The following DLG2 variants were observed in gnomAD, a reference collection of about 807,000 sequenced individuals.
DLG2 encodes discs large MAGUK scaffold protein 2.
A neutral mutation model predicts 132.5 loss-of-function variants in DLG2; 45 were observed. The ratio of observed to expected loss-of-function variants is 0.34; its 90% confidence interval spans 0.27 to 0.44. The LOEUF (loss-of-function observed/expected upper bound fraction) is 0.44. Ranked by LOEUF, DLG2 falls within the 20% of genes least tolerant of loss-of-function variation. The probability of loss-of-function intolerance (pLI) is 1.00; values close to 1 mark genes in which losing one functional copy is unlikely to be tolerated. For missense variants in DLG2, 1,045 were observed against 1,196.9 expected, an observed-to-expected ratio of 0.87 and a Z score of 1.87; for synonymous variants, 424 against 419.6, an observed-to-expected ratio of 1.01 and a Z score of -0.13.
intron 7 of DLG2, among the ~76,000 whole-genome samples, chr11:84,498,442 CCCA>C (rs1420690757): frequency 1.3e-5 from 2 of 152,054 alleles, no homozygotes; most frequent in Non-Finnish European, 2.9e-5. Flanking sequence ...CACCACCACC[CCCA>C]CCACCAACAA....
At position 83,906,079 on chromosome 11, in the gene DLG2, C is replaced by A. The variant is rs202237938; in HGVS notation, c.1496+24249G>T. The stretch of plus-strand genomic sequence containing the variant: ...TCTCTCTCTCTCTCTCTCTCTCTCT[C>A]TCTATATATATATATATATATATAT... On this transcript the variant is annotated intron_variant, in intron 15 of 27. Coordinates refer to ENST00000376104, the MANE Select transcript of DLG2 (RefSeq NM_001142699.3). 8.0e-3 allele frequency among the ~76,000 whole-genome samples: 752 copies of A among 94,078 alleles called. 2 individuals carry two copies. Among genetic ancestry groups the A allele is most frequent in the African/African-American group, 0.015 (318 of 20,974 alleles). 61.7% of individuals were successfully genotyped at this position (94,078 alleles called of 152,430 possible). A position where few individuals can be genotyped will look rare whatever the true frequency, so the allele number is the denominator to read the frequency against.
At chr11:83,769,315 T>C (rs1006777828) in intron 18 of DLG2, among the ~76,000 whole-genome samples, 4 of 152,168 alleles carry the variant, frequency 2.6e-5, no homozygotes, top group Non-Finnish European at 5.9e-5. Flanking sequence ...GGCACTCAAA[T>C]TTTTATTGAT....
At chr11:85,233,140 G>C (rs886456111) in intron 4 of DLG2, among the ~76,000 whole-genome samples, 1 of 151,682 alleles carries the variant, frequency 6.6e-6, no homozygotes, top group African/African-American at 2.4e-5. Context: ...TTCTGCATGG[G>C]AATTCCTTTT....
intron 18 of DLG2, among the ~76,000 whole-genome samples, chr11:83,744,919 C>T (rs1029230540): frequency 6.6e-6 from 1 of 152,156 alleles, no homozygotes; most frequent in Non-Finnish European, 1.5e-5. Context: ...TTTCCAGAAC[C>T]TTTCATGTTG....
intron 3 of DLG2, among the ~76,000 whole-genome samples, chr11:85,479,107 C>G (rs1193784774): frequency 6.6e-6 from 1 of 152,240 alleles, no homozygotes. Context: ...GGAATTTATA[C>G]ATTCAACAAA....
chr11:85,479,946 A>T (rs72953921), intron 3 of DLG2, among the ~76,000 whole-genome samples: 4,218 of 152,034 alleles, frequency 0.028, 97 homozygotes, highest in East Asian at 0.096. Flanking sequence ...CACCCTAAAG[A>T]CCTCATTTTA....
intron 10 of DLG2, among the ~76,000 whole-genome samples, chr11:84,070,780 G>T (rs560288818): frequency 1.8e-4 from 28 of 152,246 alleles, no homozygotes; most frequent in African/African-American, 6.0e-4. Flanking sequence ...TTCTCTGTGT[G>T]TTTGAGTACA....
intron 18 of DLG2, among the ~76,000 whole-genome samples, chr11:83,754,680 T>C (rs920597717): frequency 6.6e-6 from 1 of 151,284 alleles, no homozygotes; most frequent in Non-Finnish European, 1.5e-5. Context: ...AGAGCCTTAC[T>C]TGTGATTGCT....
chr11:85,510,489 T>C (rs2153155527), intron 3 of DLG2, among the ~76,000 whole-genome samples: 1 of 151,580 alleles, frequency 6.6e-6, no homozygotes, highest in African/African-American at 2.4e-5. Context: ...AGGGCTAATA[T>C]CCAGAATCTA....
chr11:85,023,153 C>T (rs2060225131), intron 6 of DLG2, among the ~76,000 whole-genome samples: 1 of 151,884 alleles, frequency 6.6e-6, no homozygotes. Flanking sequence ...CTATAAGATT[C>T]TAAAAACAAG....
intron 21 of DLG2, among the ~76,000 whole-genome samples, chr11:83,492,078 A>G (rs925436533): frequency 2.0e-5 from 3 of 152,100 alleles, no homozygotes; most frequent in Non-Finnish European, 4.4e-5. Flanking sequence ...CAAAGATCAG[A>G]TGGCCTGCAA....
rs143689259 is a variant in DLG2 at position 85,045,573 on chromosome 11, C to CA, written c.357+66087dup. Among the ~76,000 whole-genome samples the CA allele has an allele frequency of 4.2e-3, 637 of 151,418 alleles. 3 individuals carry two copies. The highest frequency in any genetic ancestry group is 5.7e-3 in the Non-Finnish European group (385 of 67,770). On this transcript the variant is annotated intron_variant, in intron 6 of 27. Coordinates refer to ENST00000376104, the MANE Select transcript of DLG2 (RefSeq NM_001142699.3). ...AAACAACAACAAAAGACAAAATAAA[C>CA]AAAAAAAATGTCCTTACTAATATTA...
intron 6 of DLG2, among the ~76,000 whole-genome samples, chr11:84,879,778 T>G (rs746507144): frequency 8.5e-5 from 13 of 152,134 alleles, no homozygotes; most frequent in Non-Finnish European, 1.9e-4. Flanking sequence ...TACTGTTCAT[T>G]TATTACAAAG....
At chr11:83,762,859 G>C (rs2093970570) in intron 18 of DLG2, among the ~76,000 whole-genome samples, 1 of 152,234 alleles carries the variant, frequency 6.6e-6, no homozygotes. Context: ...GGGATTACAG[G>C]CGTGAGCCAA....
intron 6 of DLG2, among the ~76,000 whole-genome samples, chr11:84,682,157 G>A (rs1360582319): frequency 2.0e-5 from 3 of 152,040 alleles, no homozygotes; most frequent in Non-Finnish European, 4.4e-5. Context: ...CAAACACCTC[G>A]CATTAAGCCC....
chr11:83,997,521 GGTC>G (rs1380481754), intron 11 of DLG2, among the ~76,000 whole-genome samples: 1 of 151,736 alleles, frequency 6.6e-6, no homozygotes, highest in South Asian at 2.1e-4. Flanking sequence ...GATCACTTGG[GGTC>G]AGGAGACCAG....
intron 3 of DLG2, among the ~76,000 whole-genome samples, chr11:85,484,960 C>T (rs286503): frequency 0.84 from 127,014 of 152,102 alleles, 54,932 homozygotes; most frequent in Non-Finnish European, 0.97. Flanking sequence ...CCCAAATGTC[C>T]GACAATCATA....
At chr11:83,791,144 T>A (rs2041440920) in intron 17 of DLG2, 1 of 648,972 alleles carries the variant, frequency 1.5e-6, no homozygotes, top group Non-Finnish European at 2.8e-6. Context: ...CTCCTCAGAG[T>A]TTGTGGGTCG....
rs543189799 is a variant in DLG2 at position 84,928,136 on chromosome 11, T to C, written c.357+183525A>G. On this transcript the variant is annotated intron_variant, in intron 6 of 27. Coordinates refer to ENST00000376104, the MANE Select transcript of DLG2 (RefSeq NM_001142699.3). The stretch of plus-strand genomic sequence containing the variant: ...AACAGAAGGTAATTTCTGTTGTAAA[T>C]GAGATAATTTTAGAGTGGAGGCTAA... 2.6e-5 allele frequency among the ~76,000 whole-genome samples: 4 copies of C among 151,950 alleles called. No individual in the cohort carries two copies. In the South Asian group the frequency reaches 8.3e-4, roughly 32 times the overall value.
Sources: gnomAD v4.1 joint callset for allele counts (sites outside exome capture counted in the v4.1 genomes callset) on GRCh38, gnomAD v4.1.1 for gene constraint, MANE v1.5 for transcripts, NCBI Gene and HGNC (gene_info 2026-07-23, HGNC 2026-07-21) for gene names.